Variants in GALNTL6 observed in about 807,000 individuals in gnomAD.
GALNTL6 encodes polypeptide N-acetylgalactosaminyltransferase-like 6.
In GALNTL6, 46 loss-of-function variants were observed where a neutral mutation model predicts 73.7. That is an observed-to-expected ratio of 0.62 (90% CI 0.49 to 0.80). The LOEUF (loss-of-function observed/expected upper bound fraction) is 0.80. Among genes scored for constraint, GALNTL6 ranks in the 30% least tolerant of loss-of-function variants. GALNTL6 has a pLI of 0.00. For synonymous variants in GALNTL6, 259 were observed against 263.7 expected (o/e 0.98, Z 0.17); for missense variants, 604 against 755.0 (o/e 0.80, Z 2.34).
At chr4:172,933,301 G>A (rs68064819) in intron 9 of GALNTL6, among the ~76,000 whole-genome samples, 5,583 of 151,984 alleles carry the variant, frequency 0.037, 134 homozygotes, top group African/African-American at 0.054. Flanking sequence ...TGCTTGCTTC[G>A]TAGTCTAAAG....
At chr4:172,781,595 C>G (rs1347499068) in intron 5 of GALNTL6, among the ~76,000 whole-genome samples, 1 of 151,974 alleles carries the variant, frequency 6.6e-6, no homozygotes, top group African/African-American at 2.4e-5. Flanking sequence ...TACCATGGAG[C>G]CTTATTGATC....
intron 5 of GALNTL6, among the ~76,000 whole-genome samples, chr4:172,607,889 T>A (rs1204069886): frequency 2.6e-5 from 4 of 152,186 alleles, no homozygotes; most frequent in African/African-American, 9.6e-5. Context: ...GCCACATGTA[T>A]GTCTTCTTTT....
chr4:172,387,667 AT>A, intron 5 of GALNTL6, among the ~76,000 whole-genome samples: 1 of 152,126 alleles, frequency 6.6e-6, no homozygotes, highest in Admixed American at 6.6e-5. Context: ...GTATATGTAG[AT>A]TGATTTTTAA....
intron 2 of GALNTL6, among the ~76,000 whole-genome samples, chr4:172,176,053 A>G (rs983014493): frequency 1.3e-5 from 2 of 152,178 alleles, no homozygotes; most frequent in Non-Finnish European, 2.9e-5. Flanking sequence ...ATAAGAGTGT[A>G]TTCAGGCTGG....
At chr4:171,897,349 A>G (rs1341940826) in intron 2 of GALNTL6, among the ~76,000 whole-genome samples, 1 of 152,214 alleles carries the variant, frequency 6.6e-6, no homozygotes, top group Non-Finnish European at 1.5e-5. Context: ...AAGATTGTAG[A>G]ATCAAAGTGC....
chr4:172,617,416 AAAG>A (rs1475508128), intron 5 of GALNTL6, among the ~76,000 whole-genome samples: 11 of 151,158 alleles, frequency 7.3e-5, no homozygotes, highest in Non-Finnish European at 1.6e-4. Flanking sequence ...AAAAAAAAAA[AAAG>A]AAGAAAAGAA....
intron 2 of GALNTL6, among the ~76,000 whole-genome samples, chr4:171,852,501 CTAAA>C (rs1242869095): frequency 7.0e-6 from 1 of 142,030 alleles, no homozygotes; most frequent in Non-Finnish European, 1.5e-5. Context: ...TTATCGCTGT[CTAAA>C]TATTAGCTTT....
intron 2 of GALNTL6, among the ~76,000 whole-genome samples, chr4:172,150,299 TGTA>T (rs1734044126): frequency 6.6e-6 from 1 of 152,220 alleles, no homozygotes; most frequent in Non-Finnish European, 1.5e-5. Context: ...GTGGTTAACA[TGTA>T]GTTTCTAAGA....
chr4:172,560,349 T>C (rs1047861827), intron 5 of GALNTL6, among the ~76,000 whole-genome samples: 2 of 149,842 alleles, frequency 1.3e-5, no homozygotes, highest in African/African-American at 4.9e-5. Context: ...AAAAAAAAAA[T>C]TAGCAGGGCG....
intron 2 of GALNTL6, among the ~76,000 whole-genome samples, chr4:172,156,711 C>T (rs1188448211): frequency 2.6e-5 from 4 of 151,202 alleles, no homozygotes; most frequent in African/African-American, 9.7e-5. Flanking sequence ...GTTGGGGAGC[C>T]ATGACCCTTA....
chr4:171,902,035 A>C (rs1300082429), intron 2 of GALNTL6, among the ~76,000 whole-genome samples: 1 of 152,140 alleles, frequency 6.6e-6, no homozygotes, highest in Non-Finnish European at 1.5e-5. Context: ...ACATTTAGAG[A>C]GATAAGTGGG....
chr4:172,643,397 A>G (rs1740080237), intron 5 of GALNTL6, among the ~76,000 whole-genome samples: 1 of 151,940 alleles, frequency 6.6e-6, no homozygotes, highest in Non-Finnish European at 1.5e-5. Flanking sequence ...TTAAAAGTAA[A>G]CTTTTTATTA....
At chr4:171,943,478 A>G (rs563377374) in intron 2 of GALNTL6, among the ~76,000 whole-genome samples, 1 of 152,312 alleles carries the variant, frequency 6.6e-6, no homozygotes, top group East Asian at 1.9e-4. Flanking sequence ...TACATATTAA[A>G]TGTTTCACTA....
At chr4:172,188,801 G>A (rs1028947834) in intron 2 of GALNTL6, among the ~76,000 whole-genome samples, 2 of 152,144 alleles carry the variant, frequency 1.3e-5, no homozygotes, top group African/African-American at 4.8e-5. Context: ...TCTGCTGAGG[G>A]AAGAGTGTAG....
At chr4:172,436,584 T>C (rs1301020144) in intron 5 of GALNTL6, among the ~76,000 whole-genome samples, 2 of 152,172 alleles carry the variant, frequency 1.3e-5, no homozygotes, top group African/African-American at 4.8e-5. Flanking sequence ...TGAAAACCAA[T>C]GCTTAAGTGA....
At chr4:172,473,449 A>T (rs756348137) in intron 5 of GALNTL6, among the ~76,000 whole-genome samples, 10 of 152,086 alleles carry the variant, frequency 6.6e-5, no homozygotes, top group Non-Finnish European at 1.3e-4. Flanking sequence ...TTACCTTAAA[A>T]CCACTTTGGT....
chr4:172,690,411 G>A (rs1270746883), intron 5 of GALNTL6, among the ~76,000 whole-genome samples: 1 of 152,102 alleles, frequency 6.6e-6, no homozygotes, highest in East Asian at 1.9e-4. Context: ...CAGGCCCAGT[G>A]GGGAATATAA....
rs967352298 is a variant in GALNTL6, at chr4:172,974,571, G to T, written c.1371+22313G>T. ...CAGTAGAGGCCACACTGGTGTCATG[G>T]GATCCTTGGGGTGTTGTTTTGCCAG... On this transcript the variant is annotated intron_variant, in intron 10 of 12. Coordinates refer to ENST00000506823, the MANE Select transcript of GALNTL6 (RefSeq NM_001034845.3). 2.0e-5 allele frequency among the ~76,000 whole-genome samples: 3 copies of T among 152,158 alleles called. No homozygotes were observed. In the East Asian group the frequency reaches 5.8e-4, roughly 29 times the overall value.
At chr4:172,310,003 G>GA (rs1463104040) in intron 3 of GALNTL6, among the ~76,000 whole-genome samples, 1 of 151,974 alleles carries the variant, frequency 6.6e-6, no homozygotes, top group African/African-American at 2.4e-5. Flanking sequence ...GGATGAACCT[G>GA]AAAATCTAAT....
Sources: gnomAD v4.1 joint callset for allele counts (sites outside exome capture counted in the v4.1 genomes callset) on GRCh38, gnomAD v4.1.1 for gene constraint, MANE v1.5 for transcripts, NCBI Gene and HGNC (gene_info 2026-07-23, HGNC 2026-07-21) for gene names.